The following DSCAML1 variants were observed in gnomAD, a reference collection of about 807,000 sequenced individuals.
DSCAML1 encodes the protein DS cell adhesion molecule like 1.
In DSCAML1, 38 loss-of-function variants were observed where a neutral mutation model predicts 200.5. That is an observed-to-expected ratio of 0.19 (90% CI 0.15 to 0.25). DSCAML1 has a LOEUF of 0.25. Ranked by LOEUF, DSCAML1 falls within the 10% of genes least tolerant of loss-of-function variation. The pLI is 1.00. For missense variants in DSCAML1, 2,223 were observed against 2,858.8 expected (o/e 0.78, Z 5.07); for synonymous variants, 1,215 against 1,165.0 (o/e 1.04, Z -0.87).
chr11:117,477,456 TCTC>T (rs2137200172), intron 14 of DSCAML1, among the ~76,000 whole-genome samples: 1 of 151,700 alleles, frequency 6.6e-6, no homozygotes, highest in East Asian at 2.0e-4. Flanking sequence ...CAACATTCTG[TCTC>T]CTATTTCTTT....
intron 3 of DSCAML1, among the ~76,000 whole-genome samples, chr11:117,616,327 G>T (rs183122248): frequency 6.6e-6 from 1 of 152,268 alleles, no homozygotes; most frequent in Non-Finnish European, 1.5e-5. Flanking sequence ...GGATTAGGAG[G>T]GTAGCCATAG....
rs77248553 is a variant in DSCAML1 at position 117,482,245 on chromosome 11, C to A, written c.2360-83G>T. The stretch of plus-strand genomic sequence containing the variant: ...CACGCGTGCCCTGCGCAGAAGCCCC[C>A]GCCCCAGCCCTCCTCCCCCAGGAGA... On this transcript the variant is annotated intron_variant, in intron 11 of 32. Coordinates refer to ENST00000651296, the MANE Select transcript of DSCAML1 (RefSeq NM_020693.4). 1.7e-4 allele frequency: 247 copies of A among 1,480,398 alleles called. No individual in the cohort carries two copies. The African/African-American group carries it at 3.0e-3, about 18-fold the overall frequency. 91.7% of individuals were successfully genotyped at this position (1,480,398 alleles called of 1,614,324 possible).
At chr11:117,755,143 A>C (rs1481144468) in intron 3 of DSCAML1, among the ~76,000 whole-genome samples, 1 of 152,146 alleles carries the variant, frequency 6.6e-6, no homozygotes, top group Non-Finnish European at 1.5e-5. Context: ...AATGATGTCT[A>C]TTGGAAGTCA....
At chr11:117,793,859 C>T (rs755548140) in intron 1 of DSCAML1, among the ~76,000 whole-genome samples, 16 of 152,176 alleles carry the variant, frequency 1.1e-4, no homozygotes, top group East Asian at 1.9e-4. Flanking sequence ...CCCAGAAAAA[C>T]GAAGCGTCGG....
rs556946030 is a variant in DSCAML1, at chr11:117,534,188, C to G, written c.512-1666G>C. 6.6e-5 allele frequency among the ~76,000 whole-genome samples: 10 copies of G among 152,354 alleles called. No homozygotes were observed. In the South Asian group the frequency reaches 2.1e-3, roughly 32 times the overall value. On this transcript the variant is annotated intron_variant, in intron 3 of 32. Transcript: ENST00000651296. ...GAGCTCTGCTCTTGTGAGGAATATT[C>G]TGTGGTATCCCACCCATCTCCCTCC...
Position 117,435,748 on chromosome 11 carries a change from T to G in DSCAML1, c.4772A>C (p.Lys1591Thr). ...GACAGGGCAGCCGATGGTGAACAGC[T>G]TCTTCACATCATCCCCTTCACCTTG... is the stretch of plus-strand genomic sequence containing the variant. Reference protein sequence around the residue: ...SAQGEGDDVKKLFTIGCPVIL... With the variant: ...SAQGEGDDVKTLFTIGCPVIL... Residue 1591 changes from lysine (K) to threonine (T), a missense_variant, in exon 27 of 33, where the codon AAG (lysine) becomes ACG (threonine). By Grantham distance (78) the Lys-to-Thr change is moderately conservative (BLOSUM62 -1). Coordinates refer to ENST00000651296, the MANE Select transcript of DSCAML1 (RefSeq NM_020693.4). 1 of 1,613,572 alleles carries G rather than the reference T, an allele frequency of 6.2e-7. No homozygotes were observed. Among genetic ancestry groups the G allele is most frequent in the Non-Finnish European group, 8.5e-7 (1 of 1,179,490 alleles).
At chr11:117,588,927 C>A (rs1315967197) in intron 3 of DSCAML1, among the ~76,000 whole-genome samples, 3 of 152,176 alleles carry the variant, frequency 2.0e-5, no homozygotes, top group Non-Finnish European at 4.4e-5. Flanking sequence ...GCGCCTGAGA[C>A]CAGGGGACCC....
At chr11:117,739,242 T>C (rs2054378718) in intron 3 of DSCAML1, among the ~76,000 whole-genome samples, 1 of 152,310 alleles carries the variant, frequency 6.6e-6, no homozygotes. Flanking sequence ...CTGCACAGGC[T>C]ACCATGAAAG....
At chr11:117,538,811 G>T (rs1226721980) in intron 3 of DSCAML1, among the ~76,000 whole-genome samples, 1 of 149,168 alleles carries the variant, frequency 6.7e-6, no homozygotes, top group Non-Finnish European at 1.5e-5. Flanking sequence ...ATAGACAGGG[G>T]AGGAGGGGGA....
chr11:117,689,977 A>C lies in DSCAML1; in HGVS notation c.511+86814T>G, dbSNP rs1057126736. ...AGGAGGTGGGGATGGGGGAAGGGAA[A>C]AGAGACAGGCTTCTAGCCGGAGGTG... On this transcript the variant is annotated intron_variant, in intron 3 of 32. Coordinates refer to ENST00000651296, the MANE Select transcript of DSCAML1 (RefSeq NM_020693.4). Among the ~76,000 whole-genome samples, 13 of 152,288 alleles carry C rather than the reference A, an allele frequency of 8.5e-5. No individual in the cohort carries two copies. The East Asian group carries it at 2.5e-3, about 29-fold the overall frequency.
At chr11:117,734,382 G>T (rs2054282237) in intron 3 of DSCAML1, among the ~76,000 whole-genome samples, 1 of 152,140 alleles carries the variant, frequency 6.6e-6, no homozygotes, top group Non-Finnish European at 1.5e-5. Flanking sequence ...GGAAAACCTT[G>T]CTGGGAGACT....
intron 3 of DSCAML1, among the ~76,000 whole-genome samples, chr11:117,689,477 T>C (rs1345825362): frequency 1.3e-5 from 2 of 152,200 alleles, no homozygotes; most frequent in Non-Finnish European, 2.9e-5. Flanking sequence ...CTGGGTTAGC[T>C]ATAAAGACAA....
At chr11:117,543,151 G>A (rs1215801099) in intron 3 of DSCAML1, among the ~76,000 whole-genome samples, 1 of 152,220 alleles carries the variant, frequency 6.6e-6, no homozygotes. Flanking sequence ...GGCTAGTGCA[G>A]AGTGAAGTAA....
chr11:117,701,995 C>A (rs544425601), intron 3 of DSCAML1, among the ~76,000 whole-genome samples: 1 of 152,324 alleles, frequency 6.6e-6, no homozygotes, highest in African/African-American at 2.4e-5. Flanking sequence ...TCCAGTTACA[C>A]AGTCCCGTGG....
intron 4 of DSCAML1, among the ~76,000 whole-genome samples, chr11:117,530,301 GA>G (rs1435620481): frequency 6.6e-6 from 1 of 152,190 alleles, no homozygotes; most frequent in Non-Finnish European, 1.5e-5. Flanking sequence ...ACTAGAGGAT[GA>G]AGGGGCCAAA....
rs911977054 is a variant in DSCAML1, at chr11:117,450,408, C to T, written c.3708+141G>A. 5 of 1,211,960 alleles carry T rather than the reference C, an allele frequency of 4.1e-6. No homozygotes were observed. In the African/African-American group the frequency reaches 6.1e-5, roughly 15 times the overall value. The allele number at this position is 1,211,960 out of a possible 1,614,324, so 75.1% of individuals were successfully genotyped here. A position where few individuals can be genotyped will look rare whatever the true frequency, so the allele number is the denominator to read the frequency against. Reference sequence around the variant, plus strand: ...GTAAGGCTTCGGCCACTCTGGGTGGCCAGTCCCCATTCTTATCTATGAATC... The same window carrying T: ...GTAAGGCTTCGGCCACTCTGGGTGGTCAGTCCCCATTCTTATCTATGAATC... On this transcript the variant is annotated intron_variant, in intron 20 of 32. Coordinates refer to ENST00000651296, the MANE Select transcript of DSCAML1 (RefSeq NM_020693.4).
intron 3 of DSCAML1, among the ~76,000 whole-genome samples, chr11:117,592,721 G>A (rs4938412): frequency 6.6e-6 from 1 of 152,094 alleles, no homozygotes; most frequent in Non-Finnish European, 1.5e-5. Flanking sequence ...TACCATCATT[G>A]GCCTCATTTT....
In DSCAML1 at chr11:117,780,246, AAG is replaced by A. The variant is rs1355683006; in HGVS notation, c.364+245_364+246del. On this transcript the variant is annotated intron_variant, in intron 2 of 32. Transcript: ENST00000651296. The surrounding 1 kb of genome is among the most constrained non-coding windows in gnomAD (Gnocchi z 4.8). Reference sequence around the variant, plus strand: ...AAGAAAGAAAGGAAAGAAAGAAAGAAAGAAAGAAAGAAAGAAAGAAAGAAAGA... The same window carrying A: ...AAGAAAGAAAGGAAAGAAAGAAAGAAAAAGAAAGAAAGAAAGAAAGAAAGA... Among the ~76,000 whole-genome samples, 1 of 85,010 alleles carries A rather than the reference AAG, an allele frequency of 1.2e-5. No individual in the cohort carries two copies. The highest frequency in any genetic ancestry group is 1.2e-4 in the Admixed American group (1 of 8,436). 55.8% of individuals were successfully genotyped at this position (85,010 alleles called of 152,430 possible).
chr11:117,812,263 A>G lies in DSCAML1; in HGVS notation c.-250+5127T>C, dbSNP rs2055767706. On this transcript the variant is annotated intron_variant, in intron 1 of 2. Coordinates refer to the DSCAML1 transcript ENST00000525836. The stretch of plus-strand genomic sequence containing the variant: ...TTACCCCACTCAATGCCAATATCCC[A>G]TCCCACAGCAAGCTTTGAAAGGATT... Among the ~76,000 whole-genome samples the G allele has an allele frequency of 2.6e-5, 4 of 152,184 alleles. No homozygotes were observed. In the South Asian group the frequency reaches 8.3e-4, roughly 32 times the overall value.
Sources: allele counts gnomAD v4.1 joint callset (sites outside exome capture counted in the v4.1 genomes callset), GRCh38; gene constraint gnomAD v4.1.1; non-coding constraint Gnocchi (gnomAD v3.1); transcripts MANE v1.5; gene names NCBI Gene and HGNC (gene_info 2026-07-23, HGNC 2026-07-21).